KCNQ3: variants seen among roughly 807,000 people sequenced by gnomAD.
KCNQ3 encodes potassium voltage-gated channel subfamily Q member 3.
Under a neutral mutation model 92.5 loss-of-function variants are expected in KCNQ3, and 30 were observed. That is an observed-to-expected ratio of 0.32 (90% CI 0.24 to 0.44). The LOEUF (loss-of-function observed/expected upper bound fraction) is 0.44, where lower values mean the gene tolerates loss of function less well. Among genes scored for constraint, KCNQ3 ranks in the 20% least tolerant of loss-of-function variants. The probability of loss-of-function intolerance (pLI) is 1.00; values close to 1 mark genes in which losing one functional copy is unlikely to be tolerated. For synonymous variants in KCNQ3, 450 were observed against 468.8 expected, an observed-to-expected ratio of 0.96 and a Z score of 0.52; for missense variants, 913 against 1,140.3, an observed-to-expected ratio of 0.80 and a Z score of 2.87.
At chr8:132,478,168 T>C (rs1410829240) in intron 1 of KCNQ3, among the ~76,000 whole-genome samples, 1 of 152,194 alleles carries the variant, frequency 6.6e-6, no homozygotes, top group Non-Finnish European at 1.5e-5. Context: ...GGAAACAGGC[T>C]CCAGGTTTTG....
intron 1 of KCNQ3, among the ~76,000 whole-genome samples, chr8:132,251,932 G>A (rs1815424492): frequency 6.6e-6 from 1 of 152,224 alleles, no homozygotes; most frequent in Admixed American, 6.5e-5. Context: ...ACAGATGAAA[G>A]TATTCTTCTC....
intron 1 of KCNQ3, among the ~76,000 whole-genome samples, chr8:132,231,098 T>C (rs7001287): frequency 0.56 from 85,066 of 152,002 alleles, 26,184 homozygotes; most frequent in African/African-American, 0.83. Context: ...AATGATGCAT[T>C]CACAAGCCAA....
intron 8 of KCNQ3, among the ~76,000 whole-genome samples, chr8:132,167,817 AT>A (rs1826184468): frequency 6.6e-6 from 1 of 152,242 alleles, no homozygotes; most frequent in South Asian, 2.1e-4. Context: ...GAATGGGCCC[AT>A]TGCCAACACC....
At chr8:132,428,938 G>C (rs929710764) in intron 1 of KCNQ3, among the ~76,000 whole-genome samples, 1 of 152,170 alleles carries the variant, frequency 6.6e-6, no homozygotes, top group Non-Finnish European at 1.5e-5. Flanking sequence ...AGTAATAGAA[G>C]GGACACCTGA....
chr8:132,131,281 T>A (rs1052140547), intron 14 of KCNQ3, among the ~76,000 whole-genome samples: 1 of 152,258 alleles, frequency 6.6e-6, no homozygotes, highest in Admixed American at 6.5e-5. Flanking sequence ...AGGATTACTA[T>A]GATCCTTGAA....
chr8:132,411,848 A>C (rs1820660583), intron 1 of KCNQ3, among the ~76,000 whole-genome samples: 1 of 152,184 alleles, frequency 6.6e-6, no homozygotes, highest in Non-Finnish European at 1.5e-5. Flanking sequence ...GGAGGGATGG[A>C]GCCCAGCTCC....
intron 1 of KCNQ3, among the ~76,000 whole-genome samples, chr8:132,397,868 T>C (rs555889783): frequency 6.6e-6 from 1 of 152,336 alleles, no homozygotes; most frequent in East Asian, 1.9e-4. Context: ...GCCAACTATC[T>C]ATCCATCTAT....
intron 1 of KCNQ3, among the ~76,000 whole-genome samples, chr8:132,235,271 G>C (rs542066862): frequency 3.1e-4 from 29 of 93,486 alleles, no homozygotes; most frequent in African/African-American, 1.3e-3. Context: ...GGCCAAGGGT[G>C]GGGGGGGAAT....
intron 4 of KCNQ3, among the ~76,000 whole-genome samples, chr8:132,179,357 A>T (rs1223668065): frequency 6.6e-6 from 1 of 151,936 alleles, no homozygotes; most frequent in Non-Finnish European, 1.5e-5. Context: ...GGTGAGCACC[A>T]CCACCCCAGC....
chr8:132,163,487 G>C lies in KCNQ3; in HGVS notation c.1243C>G (p.Gln415Glu). ...ACTTACCTGGATGCTGCCTCCAGCT[G>C]TTCTTTCCTAGAAAGAGAAGAGGGA... ...VVSFPFFRKE[Q>E]LEAASSQKLG... The change falls in exon 9 of 15, where the codon CAG (glutamine) becomes GAG (glutamate). Residue 415 changes from glutamine to glutamate, a missense_variant. Physicochemically the swap from Gln to Glu is conservative, Grantham distance 29. Around this residue, in one of 6 missense-constraint regions of KCNQ3, gnomAD observed 182 missense variants for 234.5 expected, o/e 0.78. Transcript: ENST00000388996. 6.2e-7 allele frequency: 1 copy of C among 1,611,914 alleles called. No individual in the cohort carries two copies. The highest frequency in any genetic ancestry group is 8.5e-7 in the Non-Finnish European group (1 of 1,178,018).
intron 1 of KCNQ3, among the ~76,000 whole-genome samples, chr8:132,304,790 A>C (rs1337037138): frequency 6.6e-6 from 1 of 152,160 alleles, no homozygotes; most frequent in Non-Finnish European, 1.5e-5. Flanking sequence ...AACAATGTTT[A>C]ATAGCATAAT....
chr8:132,330,910 T>C (rs1362835676), intron 1 of KCNQ3, among the ~76,000 whole-genome samples: 1 of 152,148 alleles, frequency 6.6e-6, no homozygotes, highest in Non-Finnish European at 1.5e-5. Context: ...CTGATGGACA[T>C]AACTTTCCTG....
At chr8:132,420,470 T>G (rs1287938613) in intron 1 of KCNQ3, among the ~76,000 whole-genome samples, 5 of 152,110 alleles carry the variant, frequency 3.3e-5, no homozygotes, top group African/African-American at 1.2e-4. Context: ...CAGCTTGCCC[T>G]TTTCCCTTGA....
At chr8:132,131,939 T>G (rs1202532721) in intron 14 of KCNQ3, among the ~76,000 whole-genome samples, 1 of 151,954 alleles carries the variant, frequency 6.6e-6, no homozygotes, top group Non-Finnish European at 1.5e-5. Flanking sequence ...AATACAAAAA[T>G]TAGCTGGGCA....
chr8:132,211,803 A>G (rs1196119739), intron 1 of KCNQ3, among the ~76,000 whole-genome samples: 1 of 152,008 alleles, frequency 6.6e-6, no homozygotes, highest in African/African-American at 2.4e-5. Flanking sequence ...ATACAAAAAA[A>G]TTAGCCAGGC....
chr8:132,348,558 A>G lies in KCNQ3; in HGVS notation c.386+131589T>C, dbSNP rs191153297. Among the ~76,000 whole-genome samples the G allele has an allele frequency of 1.4e-4, 21 of 152,308 alleles. No homozygotes were observed. In the East Asian group the frequency reaches 3.9e-3, roughly 28 times the overall value. ...TGTAGAACACTTGTAATGTGCATAA[A>G]CTAAAATTTTAATTGTATTCCATTT... On this transcript the variant is annotated intron_variant, in intron 1 of 14. Transcript: ENST00000388996.
intron 12 of KCNQ3, among the ~76,000 whole-genome samples, chr8:132,137,591 T>TTTG (rs1293386850): frequency 1.3e-5 from 2 of 152,216 alleles, no homozygotes; most frequent in African/African-American, 2.4e-5. Flanking sequence ...ATGATCCTGT[T>TTTG]TTGTTGGCAA....
rs1001691528 is a variant in KCNQ3 at position 132,277,882 on chromosome 8, A to G, written c.387-91701T>C. On this transcript the variant is annotated intron_variant, in intron 1 of 14. Transcript: ENST00000388996. Reference sequence around the variant, plus strand: ...TGGAAGGTTTTTTCTTCTTTTTATAATGATCCCCCTGTCTCTGCTTCCTGC... The same window carrying G: ...TGGAAGGTTTTTTCTTCTTTTTATAGTGATCCCCCTGTCTCTGCTTCCTGC... The G allele has an allele frequency of 5.5e-6, 5 of 916,290 alleles. No homozygotes were observed. The African/African-American group carries it at 9.0e-5, about 16-fold the overall frequency. The allele number at this position is 916,290 out of a possible 1,614,324, so 56.8% of individuals were successfully genotyped here. A position where few individuals can be genotyped will look rare whatever the true frequency, so the allele number is the denominator to read the frequency against.
intron 1 of KCNQ3, among the ~76,000 whole-genome samples, chr8:132,400,893 C>T (rs1820314087): frequency 6.6e-6 from 1 of 152,202 alleles, no homozygotes; most frequent in Admixed American, 6.5e-5. Context: ...AGGCAGGTAG[C>T]ATTGTTGGTC....
Sources: gnomAD v4.1 joint callset for allele counts (sites outside exome capture counted in the v4.1 genomes callset) on GRCh38, gnomAD v4.1.1 for gene constraint, gnomAD v4.1.1 regional missense constraint, MANE v1.5 for transcripts, NCBI Gene and HGNC (gene_info 2026-07-23, HGNC 2026-07-21) for gene names.